The following MYH11 variants were observed in gnomAD, a reference collection of about 807,000 sequenced individuals.
The protein encoded by MYH11 is myosin heavy chain 11.
A neutral mutation model predicts 246.6 loss-of-function variants in MYH11; 80 were observed. The observed-to-expected ratio is 0.32, with a 90% CI of 0.27 to 0.39. The LOEUF is 0.39. MYH11 is among the 10% of genes least tolerant of loss of function. The pLI is 1.00. For missense variants in MYH11, 2,158 were observed against 2,546.8 expected (o/e 0.85, Z 3.29); for synonymous variants, 1,071 against 1,015.5 (o/e 1.05, Z -1.04).
chr16:15,854,326 G>A (rs1205533782), intron 1 of MYH11, among the ~76,000 whole-genome samples: 2 of 152,188 alleles, frequency 1.3e-5, no homozygotes, highest in African/African-American at 2.4e-5. Flanking sequence ...CCAGGGGCCA[G>A]GCACTGTGCT....
rs147778889 is a variant in MYH11 at position 15,734,484 on chromosome 16, G to T, written c.3506+882C>A. On this transcript the variant is annotated intron_variant, in intron 26 of 40. Coordinates refer to ENST00000300036, the MANE Select transcript of MYH11 (RefSeq NM_002474.3). Reference sequence around the variant, plus strand: ...CCAGGTAATTTTTGGATTTATAGTAGAGACAGGGTTTCACCATGTTGGCCA... The same window carrying T: ...CCAGGTAATTTTTGGATTTATAGTATAGACAGGGTTTCACCATGTTGGCCA... Among the ~76,000 whole-genome samples the T allele has an allele frequency of 8.4e-4, 128 of 152,286 alleles. 1 individual carries two copies. In the East Asian group the frequency reaches 0.023, roughly 27 times the overall value.
rs1391587565 is a variant in MYH11 at position 15,724,812 on chromosome 16, T to C, written c.3964-13A>G. 1.9e-6 allele frequency: 3 copies of C among 1,613,606 alleles called. No homozygotes were observed. Among genetic ancestry groups the C allele is most frequent in the African/African-American group, 2.7e-5 (2 of 74,912 alleles). On this transcript the variant is annotated splice_polypyrimidine_tract_variant and intron_variant, in intron 29 of 40. Transcript: ENST00000300036. The stretch of plus-strand genomic sequence containing the variant: ...CTTGAAGCAGCTCCTGCAAAAGGGA[T>C]GCAAAGAGGTCCCAGGGACCTGCCC...
chr16:15,779,859 C>A (rs757801744), intron 6 of MYH11, among the ~76,000 whole-genome samples: 3 of 152,218 alleles, frequency 2.0e-5, no homozygotes, highest in Non-Finnish European at 2.9e-5. Flanking sequence ...ACAGGTGAGA[C>A]AGGATTTCAT....
At chr16:15,759,334 G>A (rs2041812367) in intron 12 of MYH11, among the ~76,000 whole-genome samples, 2 of 152,006 alleles carry the variant, frequency 1.3e-5, no homozygotes, top group Admixed American at 1.3e-4. Flanking sequence ...AGAGAACGAT[G>A]GCGGGAGATC....
intron 31 of MYH11, among the ~76,000 whole-genome samples, chr16:15,721,851 TGTTG>T (rs2040503332): frequency 1.3e-5 from 2 of 152,082 alleles, no homozygotes; most frequent in African/African-American, 4.8e-5. Context: ...TGTTTTTTTT[TGTTG>T]GTTTGTGTGT....
At chr16:15,759,949 T>C (rs2041828683) in intron 11 of MYH11, among the ~76,000 whole-genome samples, 1 of 151,982 alleles carries the variant, frequency 6.6e-6, no homozygotes, top group Non-Finnish European at 1.5e-5. Context: ...ATACAAAAAT[T>C]AGCCAGGCGT....
At chr16:15,853,581 A>C (rs2044384251) in intron 1 of MYH11, among the ~76,000 whole-genome samples, 2 of 152,142 alleles carry the variant, frequency 1.3e-5, no homozygotes, top group African/African-American at 4.8e-5. Context: ...TCCTTGGATC[A>C]CATACAAGGT....
chr16:15,722,748 ATTTATT>A (rs1471593094), intron 31 of MYH11, among the ~76,000 whole-genome samples: 4 of 151,926 alleles, frequency 2.6e-5, no homozygotes, highest in African/African-American at 7.3e-5. Flanking sequence ...TCCTCATTTT[ATTTATT>A]TTTGAGACAG....
chr16:15,712,641 G>A (rs991133564), intron 40 of MYH11, among the ~76,000 whole-genome samples: 4 of 152,110 alleles, frequency 2.6e-5, no homozygotes, highest in African/African-American at 7.2e-5. Context: ...TGGCAAGCAG[G>A]TTTCGAGGTG....
chr16:15,719,340 C>T (rs376737970), intron 35 of MYH11, 32 bp from the exon 36 acceptor site: 4 of 1,603,256 alleles, frequency 2.5e-6, no homozygotes, highest in East Asian at 2.2e-5. Context: ...TGTTGTCTGC[C>T]AGGGAAAGGC....
chr16:15,801,386 T>G (rs2042880723), intron 3 of MYH11, among the ~76,000 whole-genome samples: 1 of 152,086 alleles, frequency 6.6e-6, no homozygotes. Context: ...TAGGATGCAG[T>G]GGTTCATGCC....
chr16:15,710,043 C>A (rs2039690485), intron 40 of MYH11, among the ~76,000 whole-genome samples: 1 of 152,160 alleles, frequency 6.6e-6, no homozygotes, highest in Non-Finnish European at 1.5e-5. Context: ...GGCTCTAGTG[C>A]CTGATTTTAT....
At chr16:15,790,629 T>C (rs2042586469) in intron 4 of MYH11, among the ~76,000 whole-genome samples, 1 of 152,228 alleles carries the variant, frequency 6.6e-6, no homozygotes, top group Admixed American at 6.5e-5. Context: ...GGGGTGAAGA[T>C]GCCTTCCTGG....
At chr16:15,727,621 C>T (rs138660164) in intron 27 of MYH11, among the ~76,000 whole-genome samples, 20 of 152,212 alleles carry the variant, frequency 1.3e-4, no homozygotes, top group Middle Eastern at 6.8e-3. Flanking sequence ...AATGAGTTGC[C>T]GACATTTTAA....
intron 40 of MYH11, 180 bp downstream of exon 40, chr16:15,714,729 G>T: frequency 3.8e-6 from 3 of 784,982 alleles, no homozygotes; most frequent in South Asian, 1.6e-5. Context: ...GCAGGGCCCG[G>T]GTCTGATCTC....
rs374559754 is a variant in MYH11, at chr16:15,798,608, T to TAAAAAAAAAAA, written c.530+41_530+51dup. ...CATAGGTTGGATCTCGACTACAGAT[T>TAAAAAAAAAAA]AAAAAAAAAAAAAAACAAAAAAAAA... On this transcript the variant is annotated intron_variant, in intron 4 of 40. Coordinates refer to ENST00000300036, the MANE Select transcript of MYH11 (RefSeq NM_002474.3). 1.0e-3 allele frequency: 1,033 copies of TAAAAAAAAAAA among 1,035,310 alleles called. 8 individuals carry two copies. The highest frequency in any genetic ancestry group is 3.8e-3 in the South Asian group (221 of 57,636). 64.1% of individuals were successfully genotyped at this position (1,035,310 alleles called of 1,614,324 possible). A position where few individuals can be genotyped will look rare whatever the true frequency, so the allele number is the denominator to read the frequency against.
At chr16:15,708,753 AG>A in intron 40 of MYH11, 1 of 1,573,538 alleles carries the variant, frequency 6.4e-7, no homozygotes, top group Admixed American at 1.9e-5. Context: ...TGGGCAGAAA[AG>A]AAATGGATAC....
At chr16:15,781,306 G>T (rs995491001) in intron 6 of MYH11, among the ~76,000 whole-genome samples, 1 of 152,158 alleles carries the variant, frequency 6.6e-6, no homozygotes, top group Non-Finnish European at 1.5e-5. Context: ...CGTGTAGGAG[G>T]TGATACTATC....
intron 2 of MYH11, among the ~76,000 whole-genome samples, chr16:15,834,182 A>G (rs1435509334): frequency 1.3e-5 from 2 of 151,978 alleles, no homozygotes. Context: ...CCTGGGCCCC[A>G]AAGAGTCCAA....
Sources: allele counts gnomAD v4.1 joint callset (sites outside exome capture counted in the v4.1 genomes callset), GRCh38; gene constraint gnomAD v4.1.1; transcripts MANE v1.5; gene names NCBI Gene and HGNC (gene_info 2026-07-23, HGNC 2026-07-21).